DNAH5: variants seen among roughly 807,000 people sequenced by gnomAD.
DNAH5 encodes axonemal beta dynein heavy chain 5.
In DNAH5, 372 loss-of-function variants were observed where a neutral mutation model predicts 518.2. That is an observed-to-expected ratio of 0.72 (90% CI 0.66 to 0.78). DNAH5 has a LOEUF of 0.78. Among genes scored for constraint, DNAH5 ranks in the 30% least tolerant of loss-of-function variants. DNAH5 has a pLI of 0.00. For synonymous variants in DNAH5, 2,039 were observed against 2,025.9 expected (o/e 1.01, Z -0.17); for missense variants, 5,523 against 5,687.0 (o/e 0.97, Z 0.93).
Position 13,901,498 on chromosome 5 carries a change from CAT to C in DNAH5, c.1804_1805del (p.Met602AspfsTer34). The C allele has an allele frequency of 6.2e-7, 1 of 1,613,694 alleles. No homozygotes were observed. The highest frequency in any genetic ancestry group is 8.5e-7 in the Non-Finnish European group (1 of 1,179,960). Reference sequence around the variant, plus strand: ...TCTGCTTTGTATACAGCTTTGAAATCATATCAATGTCAGCCCCATAGTTCTCA... The same window carrying C: ...TCTGCTTTGTATACAGCTTTGAAATCATCAATGTCAGCCCCATAGTTCTCA... ...ILENYGADID[M>X]ISKLYTKQKY... On this transcript the variant is annotated frameshift_variant, in exon 14 of 79. Transcript: ENST00000265104. LOFTEE classifies it high-confidence loss of function.
intron 1 of DNAH5, among the ~76,000 whole-genome samples, chr5:13,959,388 C>A (rs891804637): frequency 4.6e-5 from 7 of 152,240 alleles, no homozygotes; most frequent in African/African-American, 1.7e-4. Flanking sequence ...TGTGGATTCT[C>A]TCTGTCTTCG....
At chr5:13,701,522 ATG>A in intron 76 of DNAH5, 86 bp from the exon 77 acceptor site, 1 of 1,248,990 alleles carries the variant, frequency 8.0e-7, no homozygotes, top group Non-Finnish European at 1.1e-6. Context: ...AAAAAAAAAG[ATG>A]AAATATCAAT....
chr5:13,740,584 C>T (rs748365472), intron 65 of DNAH5, among the ~76,000 whole-genome samples: 5 of 152,218 alleles, frequency 3.3e-5, no homozygotes, highest in Non-Finnish European at 5.9e-5. Context: ...CCTGGAACAG[C>T]ATCTGGGAAT....
At chr5:13,885,915 T>C (rs760880697) in intron 18 of DNAH5, 49 bp downstream of exon 18, 4 of 1,559,486 alleles carry the variant, frequency 2.6e-6, no homozygotes, top group Admixed American at 1.7e-5. Context: ...TTTTAGTTTT[T>C]AGTAAATGTC....
chr5:13,826,576 C>T (rs138491338), intron 38 of DNAH5, among the ~76,000 whole-genome samples: 5 of 152,346 alleles, frequency 3.3e-5, no homozygotes, highest in South Asian at 2.1e-4. Context: ...CTTCCTGACA[C>T]CACATGAAGA....
intron 5 of DNAH5, among the ~76,000 whole-genome samples, chr5:13,921,537 C>A (rs902237364): frequency 6.2e-5 from 9 of 146,336 alleles, no homozygotes; most frequent in South Asian, 2.3e-4. Context: ...ATCCATCAAC[C>A]TCTGCCCCAA....
rs1780380420 is a variant in DNAH5 at position 13,951,221 on chromosome 5, T to TG, written c.13-19978_13-19977insC. Among the ~76,000 whole-genome samples, 5 of 131,506 alleles carry TG rather than the reference T, an allele frequency of 3.8e-5. 1 individual carries two copies. Among genetic ancestry groups the TG allele is most frequent in the African/African-American group, 1.4e-4 (5 of 34,784 alleles). 86.3% of individuals were successfully genotyped at this position (131,506 alleles called of 152,430 possible). On this transcript the variant is annotated intron_variant, in intron 1 of 78. Coordinates refer to the DNAH5 transcript ENST00000681290. ...TTTGTTTTTTTCGTTTTTTTTTTTT[T>TG]TTTTTTTTTTTTTGAAGCAGGGTCT... is the stretch of plus-strand genomic sequence containing the variant.
At chr5:13,965,360 T>C (rs1338536519) in intron 1 of DNAH5, among the ~76,000 whole-genome samples, 1 of 152,122 alleles carries the variant, frequency 6.6e-6, no homozygotes, top group Non-Finnish European at 1.5e-5. Context: ...CTAAGTAAAA[T>C]AATATTTTTA....
At chr5:13,933,071 AT>A (rs1402411151) in intron 1 of DNAH5, among the ~76,000 whole-genome samples, 1 of 152,250 alleles carries the variant, frequency 6.6e-6, no homozygotes, top group African/African-American at 2.4e-5. Context: ...ACTCCTGAGA[AT>A]AAAAAACGTC....
intron 65 of DNAH5, among the ~76,000 whole-genome samples, chr5:13,748,022 G>T (rs1470597076): frequency 2.6e-5 from 4 of 152,040 alleles, no homozygotes; most frequent in Admixed American, 1.3e-4. Flanking sequence ...GTCTAACATT[G>T]AAGTCTTTAA....
chr5:13,812,306 G>T (rs1413964587), intron 43 of DNAH5, among the ~76,000 whole-genome samples: 2 of 151,314 alleles, frequency 1.3e-5, no homozygotes, highest in Non-Finnish European at 3.0e-5. Flanking sequence ...CCATACCCAG[G>T]TTTTTTTTTC....
intron 1 of DNAH5, among the ~76,000 whole-genome samples, chr5:13,979,738 TC>T (rs1782532765): frequency 6.6e-6 from 1 of 152,196 alleles, no homozygotes; most frequent in Non-Finnish European, 1.5e-5. Flanking sequence ...ATCTTACTGA[TC>T]AACTGCATTT....
chr5:13,999,240 C>G (rs1784176088), intron 1 of DNAH5, among the ~76,000 whole-genome samples: 1 of 152,218 alleles, frequency 6.6e-6, no homozygotes, highest in Non-Finnish European at 1.5e-5. Context: ...TCTACCCTTT[C>G]AACAAATTTT....
chr5:13,865,942 T>C, intron 26 of DNAH5, 36 bp from the exon 27 acceptor site: 1 of 1,338,676 alleles, frequency 7.5e-7, no homozygotes, highest in Non-Finnish European at 1.1e-6. Flanking sequence ...ATCAAAATGA[T>C]TTATACATGA....
At chr5:13,778,801 C>G (rs1382730827) in intron 53 of DNAH5, among the ~76,000 whole-genome samples, 4 of 152,120 alleles carry the variant, frequency 2.6e-5, no homozygotes, top group Admixed American at 6.6e-5. Context: ...CTATACAAAG[C>G]CTTTAGAAGT....
chr5:13,810,318 T>G, intron 44 of DNAH5, 58 bp from the exon 45 acceptor site: 1 of 1,472,148 alleles, frequency 6.8e-7, no homozygotes, highest in Non-Finnish European at 9.3e-7. Context: ...AACGTTGCTC[T>G]AGGGTTTCAA....
chr5:13,891,348 G>T (rs1773190999), intron 16 of DNAH5, among the ~76,000 whole-genome samples: 1 of 152,064 alleles, frequency 6.6e-6, no homozygotes, highest in Admixed American at 6.6e-5. Context: ...AATCTATCTT[G>T]GTAGCCCCTT....
At chr5:13,708,026 A>G (rs964633592) in intron 76 of DNAH5, 97 bp downstream of exon 76, 1 of 1,380,320 alleles carries the variant, frequency 7.2e-7, no homozygotes, top group Admixed American at 1.7e-5. Context: ...CAAAAGAATC[A>G]TGTTGAGTAA....
intron 59 of DNAH5, among the ~76,000 whole-genome samples, chr5:13,763,686 A>G (rs1164961914): frequency 6.6e-6 from 1 of 152,240 alleles, no homozygotes; most frequent in Non-Finnish European, 1.5e-5. Flanking sequence ...CGCAGAACAC[A>G]TAATGTATAG....
Sources: allele counts gnomAD v4.1 joint callset (sites outside exome capture counted in the v4.1 genomes callset), GRCh38; gene constraint gnomAD v4.1.1; transcripts MANE v1.5; gene names NCBI Gene and HGNC (gene_info 2026-07-23, HGNC 2026-07-21).